Variants in NPFFR2 observed in about 807,000 individuals in gnomAD.
NPFFR2 encodes the protein neuropeptide FF receptor 2.
Under a neutral mutation model 13.1 loss-of-function variants are expected in NPFFR2, and 15 were observed. The ratio of observed to expected loss-of-function variants is 1.15; its 90% CI spans 0.77 to 1.76. The LOEUF is 1.76. Ranked by LOEUF, NPFFR2 falls within the 40% of genes most tolerant of loss-of-function variation. NPFFR2 has a pLI of 0.00. For synonymous variants in NPFFR2, 190 were observed against 175.7 expected (o/e 1.08, Z -0.65); for missense variants, 572 against 503.5 (o/e 1.14, Z -1.30).
Position 72,147,757 on chromosome 4 carries a change from A to T in NPFFR2, c.1208A>T (p.Gln403Leu), listed in dbSNP as rs1722835719. 1 of 1,595,206 alleles carries T rather than the reference A, an allele frequency of 6.3e-7. No individual in the cohort carries two copies. Among genetic ancestry groups the T allele is most frequent in the Non-Finnish European group, 8.5e-7 (1 of 1,175,442 alleles). Residue 403 changes from glutamine (Q) to leucine (L), a missense_variant, in exon 4 of 4, where the codon CAA (glutamine) becomes CTA (leucine). Physicochemically the swap from Gln to Leu is moderately radical, Grantham distance 113 (BLOSUM62 -2). Coordinates refer to ENST00000308744, the MANE Select transcript of NPFFR2 (RefSeq NM_004885.3). ...LLYRKSAEKP[Q>L]QELVMEELKE... ...TATAGGAAAAGTGCTGAAAAACCCC[A>T]ACAGGAATTAGTGATGGAAGAATTA...
chr4:72,040,856 A>G (rs574668384), intron 1 of NPFFR2, among the ~76,000 whole-genome samples: 5 of 151,002 alleles, frequency 3.3e-5, no homozygotes, highest in Non-Finnish European at 7.4e-5. Flanking sequence ...TTTTTATGTC[A>G]TCATTTTATA....
At chr4:72,036,495 T>C (rs1006125781) in intron 1 of NPFFR2, among the ~76,000 whole-genome samples, 1 of 149,968 alleles carries the variant, frequency 6.7e-6, no homozygotes, top group Admixed American at 6.7e-5. Flanking sequence ...TGGGTTCGGG[T>C]GGTGTGTGTG....
chr4:72,055,784 G>T (rs1719726337), intron 1 of NPFFR2, among the ~76,000 whole-genome samples: 1 of 151,914 alleles, frequency 6.6e-6, no homozygotes, highest in South Asian at 2.1e-4. Flanking sequence ...TAGCTTTATG[G>T]CTGATATGGA....
At chr4:72,044,323 A>G (rs1719318282) in intron 1 of NPFFR2, among the ~76,000 whole-genome samples, 1 of 152,184 alleles carries the variant, frequency 6.6e-6, no homozygotes, top group Non-Finnish European at 1.5e-5. Context: ...CAGGATTTTT[A>G]TAGTTTTAGG....
chr4:72,059,183 C>G (rs1351706230), intron 1 of NPFFR2, among the ~76,000 whole-genome samples: 3 of 151,958 alleles, frequency 2.0e-5, no homozygotes, highest in Non-Finnish European at 4.4e-5. Context: ...TTCTGCTTAC[C>G]AGGTCTGATT....
intron 1 of NPFFR2, among the ~76,000 whole-genome samples, chr4:72,077,999 T>A (rs1282211685): frequency 6.6e-6 from 1 of 152,072 alleles, no homozygotes; most frequent in African/African-American, 2.4e-5. Context: ...TTTCCTTTTT[T>A]TGTTTGCCAG....
intron 1 of NPFFR2, among the ~76,000 whole-genome samples, chr4:72,054,448 C>G (rs1295633596): frequency 6.6e-6 from 1 of 151,878 alleles, no homozygotes; most frequent in East Asian, 1.9e-4. Context: ...TTAACCTTAA[C>G]TCTTACATTA....
At chr4:72,129,277 G>A (rs1166856543) in intron 2 of NPFFR2, among the ~76,000 whole-genome samples, 4 of 151,158 alleles carry the variant, frequency 2.6e-5, no homozygotes, top group African/African-American at 9.7e-5. Flanking sequence ...AAGGTGGGAC[G>A]AGAGATTTGG....
intron 1 of NPFFR2, among the ~76,000 whole-genome samples, chr4:72,084,085 C>A (rs966262820): frequency 8.5e-5 from 13 of 152,146 alleles, no homozygotes; most frequent in Non-Finnish European, 1.6e-4. Flanking sequence ...AGAATCACTT[C>A]TTAACGACTT....
chr4:72,141,323 G>C (rs560664209), intron 3 of NPFFR2, among the ~76,000 whole-genome samples: 2 of 152,068 alleles, frequency 1.3e-5, no homozygotes, highest in East Asian at 3.9e-4. Context: ...GTTTGCTCTT[G>C]CTCCTCTAGT....
intron 1 of NPFFR2, among the ~76,000 whole-genome samples, chr4:72,083,965 A>G (rs1720700294): frequency 6.6e-6 from 1 of 152,070 alleles, no homozygotes; most frequent in Admixed American, 6.6e-5. Flanking sequence ...GATCCAATAC[A>G]TTGTCAAAGT....
In NPFFR2 at chr4:72,147,518, C is replaced by T. The variant is rs145038184; in HGVS notation, c.969C>T (p.Phe323=). Residue 323 remains phenylalanine, a synonymous_variant, in exon 4 of 4, where the codon TTC becomes TTT. Transcript: ENST00000308744. ...ACCCTTTTGCACACTGGCTGGCATTCGGCAACAGCAGTGTCAATCCCATCA... is the reference window on the plus strand; with the variant it reads ...ACCCTTTTGCACACTGGCTGGCATTTGGCAACAGCAGTGTCAATCCCATCA... ...YIYPFAHWLA[F]GNSSVNPIIY... is the part of the protein sequence containing the mutation. 183 of 1,614,176 alleles carry T rather than the reference C, an allele frequency of 1.1e-4. No individual in the cohort carries two copies. Among genetic ancestry groups the T allele is most frequent in the Middle Eastern group, 1.6e-4 (1 of 6,062 alleles).
chr4:72,121,100 A>G (rs1053444401), intron 1 of NPFFR2, among the ~76,000 whole-genome samples: 1 of 152,018 alleles, frequency 6.6e-6, no homozygotes, highest in Admixed American at 6.6e-5. Flanking sequence ...ACTTCATGAA[A>G]CATAAACAAC....
intron 1 of NPFFR2, among the ~76,000 whole-genome samples, chr4:72,043,324 G>A (rs1719283447): frequency 6.6e-6 from 1 of 152,204 alleles, no homozygotes; most frequent in African/African-American, 2.4e-5. Flanking sequence ...CCCTGAGAGA[G>A]TCCTCACTGG....
chr4:72,035,046 T>C (rs1199359108), intron 1 of NPFFR2, among the ~76,000 whole-genome samples: 1 of 152,256 alleles, frequency 6.6e-6, no homozygotes, highest in Admixed American at 6.5e-5. Context: ...TGAATTATAA[T>C]TTGATTTCTA....
At chr4:72,092,452 A>G (rs779895936) in intron 1 of NPFFR2, among the ~76,000 whole-genome samples, 57 of 152,176 alleles carry the variant, frequency 3.7e-4, no homozygotes, top group Non-Finnish European at 6.6e-4. Flanking sequence ...GTCTCCCACT[A>G]TTACTGTGTT....
In NPFFR2 at chr4:72,074,077, T is replaced by G. The variant is rs538447637; in HGVS notation, c.-8+41877T>G. Among the ~76,000 whole-genome samples, 3 of 149,612 alleles carry G rather than the reference T, an allele frequency of 2.0e-5. No individual in the cohort carries two copies. The East Asian group carries it at 5.9e-4, about 29-fold the overall frequency. On this transcript the variant is annotated intron_variant, in intron 1 of 3. Coordinates refer to ENST00000308744, the MANE Select transcript of NPFFR2 (RefSeq NM_004885.3). ...CATAGTGAACTGCAGTTCAAAAATATTAATCAATACTCTTGTGCTTTTGAA... is the reference window on the plus strand; with the variant it reads ...CATAGTGAACTGCAGTTCAAAAATAGTAATCAATACTCTTGTGCTTTTGAA...
intron 1 of NPFFR2, among the ~76,000 whole-genome samples, chr4:72,062,042 G>T (rs1483437519): frequency 6.6e-6 from 1 of 151,442 alleles, no homozygotes; most frequent in Admixed American, 6.6e-5. Flanking sequence ...AAGTGATTAG[G>T]CATTGCATAA....
intron 1 of NPFFR2, among the ~76,000 whole-genome samples, chr4:72,113,407 C>T (rs558276699): frequency 6.6e-6 from 1 of 152,204 alleles, no homozygotes; most frequent in South Asian, 2.1e-4. Context: ...AGCCACCCTT[C>T]ATCAATCCAT....
Sources: allele counts gnomAD v4.1 joint callset (sites outside exome capture counted in the v4.1 genomes callset), GRCh38; gene constraint gnomAD v4.1.1; transcripts MANE v1.5; gene names NCBI Gene and HGNC (gene_info 2026-07-23, HGNC 2026-07-21).